FGF12: variants seen among roughly 807,000 people sequenced by gnomAD.
FGF12 encodes the protein fibroblast growth factor 12.
FGF12 carries 14 observed loss-of-function variants against 23.6 expected under a neutral mutation model. That is an observed-to-expected ratio of 0.59 (90% CI 0.39 to 0.93). The LOEUF (loss-of-function observed/expected upper bound fraction) is 0.93, where lower values mean the gene tolerates loss of function less well. Ranked by LOEUF, FGF12 falls within the 40% of genes least tolerant of loss-of-function variation. FGF12 has a pLI of 0.00. For missense variants in FGF12, 175 were observed against 217.8 expected, an observed-to-expected ratio of 0.80 and a Z score of 1.24; for synonymous variants, 62 against 77.3, an observed-to-expected ratio of 0.80 and a Z score of 1.04.
At position 192,696,714 on chromosome 3, in the gene FGF12, C is replaced by A. The variant is rs1226196270; in HGVS notation, c.13+30467G>T. Among the ~76,000 whole-genome samples, 11 of 152,032 alleles carry A rather than the reference C, an allele frequency of 7.2e-5. No individual in the cohort carries two copies. The East Asian group carries it at 2.1e-3, about 29-fold the overall frequency. The stretch of plus-strand genomic sequence containing the variant: ...AATTATTGTTCTGTAGGCTTTATAG[C>A]AATGTTCTTAAACTTAAAGGGGCTA... On this transcript the variant is annotated intron_variant, in intron 2 of 5. Transcript: ENST00000445105.
chr3:192,166,481 C>CCTAT (rs1361015343), intron 5 of FGF12, among the ~76,000 whole-genome samples: 3 of 152,212 alleles, frequency 2.0e-5, no homozygotes, highest in African/African-American at 7.2e-5. Flanking sequence ...CAGACTGTAG[C>CCTAT]CTGTCTTACC....
chr3:192,334,889 C>A (rs1435578280), intron 4 of FGF12, among the ~76,000 whole-genome samples: 2 of 152,056 alleles, frequency 1.3e-5, no homozygotes, highest in African/African-American at 4.8e-5. Context: ...GAGAATCTGA[C>A]ATATTAGATA....
chr3:192,430,948 T>G (rs918221417), intron 2 of FGF12, among the ~76,000 whole-genome samples: 1 of 152,230 alleles, frequency 6.6e-6, no homozygotes, highest in Non-Finnish European at 1.5e-5. Flanking sequence ...CAACAGTTTT[T>G]AAATTCCACT....
At chr3:192,530,156 C>T (rs2108850602) in intron 2 of FGF12, among the ~76,000 whole-genome samples, 1 of 151,910 alleles carries the variant, frequency 6.6e-6, no homozygotes, top group Non-Finnish European at 1.5e-5. Flanking sequence ...CATCTACATT[C>T]TCTTTTGATC....
intron 5 of FGF12, among the ~76,000 whole-genome samples, chr3:192,168,195 C>G (rs1476133044): frequency 6.6e-6 from 1 of 150,842 alleles, no homozygotes; most frequent in South Asian, 2.1e-4. Flanking sequence ...TGTTAATGAC[C>G]TTGTACTACT....
intron 4 of FGF12, among the ~76,000 whole-genome samples, chr3:192,210,556 T>G (rs1206355091): frequency 6.6e-6 from 1 of 152,112 alleles, no homozygotes; most frequent in Non-Finnish European, 1.5e-5. Context: ...AGAAAAGAGA[T>G]GGAAGAATAG....
chr3:192,200,118 AC>A (rs553486075), intron 4 of FGF12, among the ~76,000 whole-genome samples: 429 of 151,542 alleles, frequency 2.8e-3, no homozygotes, highest in Middle Eastern at 0.02. Context: ...GGAGTTTGTG[AC>A]CAGCCTGGGC....
chr3:192,231,779 A>AT, intron 4 of FGF12, among the ~76,000 whole-genome samples: 1 of 152,250 alleles, frequency 6.6e-6, no homozygotes, highest in Non-Finnish European at 1.5e-5. Context: ...CCAAAAAAAA[A>AT]AGTAATTGCA....
intron 2 of FGF12, among the ~76,000 whole-genome samples, chr3:192,646,112 G>A (rs553821869): frequency 1.3e-5 from 2 of 152,168 alleles, no homozygotes; most frequent in Non-Finnish European, 2.9e-5. Context: ...GAAAAGGTCA[G>A]TGTGGTTGGG....
chr3:192,577,108 G>A (rs1560156598), intron 2 of FGF12, among the ~76,000 whole-genome samples: 1 of 152,152 alleles, frequency 6.6e-6, no homozygotes, highest in Non-Finnish European at 1.5e-5. Context: ...TAATGTAGAT[G>A]ATGGGTTAAT....
rs547851562 is a variant in FGF12, at chr3:192,635,497, C to T, written c.13+91684G>A. Among the ~76,000 whole-genome samples the T allele has an allele frequency of 6.2e-4, 94 of 152,252 alleles. 2 individuals are homozygous for T. The highest frequency in any genetic ancestry group is 1.7e-3 in the South Asian group (8 of 4,822). The stretch of plus-strand genomic sequence containing the variant: ...TGGTAAAGCTTTGTTGATTTTGCTA[C>T]GTCACTTTACAATACTTAATAACTT... On this transcript the variant is annotated intron_variant, in intron 2 of 5. Coordinates refer to ENST00000445105, the MANE Select transcript of FGF12 (RefSeq NM_004113.6).
intron 2 of FGF12, among the ~76,000 whole-genome samples, chr3:192,650,392 C>T: frequency 6.6e-6 from 1 of 152,230 alleles, no homozygotes; most frequent in Admixed American, 6.5e-5. Flanking sequence ...ATTTCCACTA[C>T]TGGAACTGCC....
At chr3:192,668,304 A>G (rs1437278066) in intron 2 of FGF12, among the ~76,000 whole-genome samples, 2 of 152,218 alleles carry the variant, frequency 1.3e-5, no homozygotes, top group African/African-American at 4.8e-5. Flanking sequence ...CACAGCTATA[A>G]GCGGAGACAA....
At chr3:192,151,255 T>C (rs1390639089) in intron 5 of FGF12, among the ~76,000 whole-genome samples, 2 of 124,576 alleles carry the variant, frequency 1.6e-5, no homozygotes, top group Non-Finnish European at 3.5e-5. Context: ...AATCATGTCG[T>C]CTGCAAACAG....
At chr3:192,591,442 C>T (rs987344583) in intron 2 of FGF12, among the ~76,000 whole-genome samples, 19 of 151,600 alleles carry the variant, frequency 1.3e-4, no homozygotes, top group African/African-American at 4.6e-4. Context: ...ATTGTTTTTC[C>T]TAAAGGACTA....
intron 4 of FGF12, among the ~76,000 whole-genome samples, chr3:192,249,684 T>C (rs1560034484): frequency 6.6e-6 from 1 of 152,162 alleles, no homozygotes. Context: ...GTTGAGACTG[T>C]TCACATAGTA....
chr3:192,479,333 T>C (rs1410420289), intron 2 of FGF12, among the ~76,000 whole-genome samples: 1 of 152,186 alleles, frequency 6.6e-6, no homozygotes. Flanking sequence ...CCTGAGCAGA[T>C]GCCCACCTGT....
intron 2 of FGF12, among the ~76,000 whole-genome samples, chr3:192,552,681 G>A (rs1478016341): frequency 6.6e-6 from 1 of 152,076 alleles, no homozygotes; most frequent in African/African-American, 2.4e-5. Context: ...ACCTGAGGCT[G>A]GGGGTTCCAG....
intron 4 of FGF12, among the ~76,000 whole-genome samples, chr3:192,308,754 C>T (rs954754889): frequency 6.6e-6 from 1 of 151,492 alleles, no homozygotes. Flanking sequence ...GTCCTTTAAA[C>T]CACTGACCTA....
Sources: allele counts gnomAD v4.1 joint callset (sites outside exome capture counted in the v4.1 genomes callset), GRCh38; gene constraint gnomAD v4.1.1; transcripts MANE v1.5; gene names NCBI Gene and HGNC (gene_info 2026-07-23, HGNC 2026-07-21).